PDE6C: variants seen among roughly 807,000 people sequenced by gnomAD.
The protein encoded by PDE6C is cone cGMP-specific 3',5'-cyclic phosphodiesterase subunit alpha'.
A neutral mutation model predicts 113.1 loss-of-function variants in PDE6C; 75 were observed. The ratio of observed to expected loss-of-function variants is 0.66; its 90% CI spans 0.55 to 0.80. PDE6C has a LOEUF of 0.80. Ranked by LOEUF, PDE6C falls within the 30% of genes least tolerant of loss-of-function variation. The probability of loss-of-function intolerance (pLI) is 0.00; values close to 1 mark genes in which losing one functional copy is unlikely to be tolerated. For synonymous variants in PDE6C, 375 were observed against 363.7 expected, an observed-to-expected ratio of 1.03 and a Z score of -0.35; for missense variants, 912 against 1,038.6, an observed-to-expected ratio of 0.88 and a Z score of 1.67.
chr10:93,662,582 G>A lies in PDE6C; in HGVS notation c.2306G>A (p.Arg769Lys), dbSNP rs1390573149. ...TAGCCTATGATGGACAGAAACAAAAGAGATGAATTACCTAAACTTCAAGTT... is the reference window on the plus strand; with the variant it reads ...TAGCCTATGATGGACAGAAACAAAAAAGATGAATTACCTAAACTTCAAGTT... ...QPIPMMDRNK[R>K]DELPKLQVGF... The change falls in exon 20 of 22, where the codon AGA (arginine) becomes AAA (lysine). Residue 769 changes from arginine (R) to lysine (K), a missense_variant. Arg to Lys is a conservative substitution (Grantham distance 26, BLOSUM62 2). Transcript: ENST00000371447. 2 of 1,505,398 alleles carry A rather than the reference G, an allele frequency of 1.3e-6. No individual in the cohort carries two copies. Among genetic ancestry groups the A allele is most frequent in the Non-Finnish European group, 1.8e-6 (2 of 1,081,808 alleles). The allele number at this position is 1,505,398 out of a possible 1,614,324, so 93.3% of individuals were successfully genotyped here.
At chr10:93,620,294 T>C (rs2058439237) in intron 1 of PDE6C, among the ~76,000 whole-genome samples, 1 of 152,212 alleles carries the variant, frequency 6.6e-6, no homozygotes, top group Non-Finnish European at 1.5e-5. Flanking sequence ...CTGCATGTAC[T>C]TGCTGTCTAT....
chr10:93,624,092 T>G (rs550282069), intron 4 of PDE6C, among the ~76,000 whole-genome samples: 48 of 152,160 alleles, frequency 3.2e-4, no homozygotes, highest in African/African-American at 1.0e-3. Flanking sequence ...CAACTTTAGG[T>G]TTTTGTATTC....
At chr10:93,622,178 C>T in intron 4 of PDE6C, 106 bp downstream of exon 4, 1 of 1,138,304 alleles carries the variant, frequency 8.8e-7, no homozygotes, top group South Asian at 1.2e-5. Flanking sequence ...AATAATTAGT[C>T]ATGATTGATG....
In PDE6C at chr10:93,663,713, A is replaced by G. The variant is rs370349745; in HGVS notation, c.2518+535A>G. 1.8e-4 allele frequency among the ~76,000 whole-genome samples: 28 copies of G among 152,280 alleles called. No individual in the cohort carries two copies. The South Asian group carries it at 5.8e-3, about 32-fold the overall frequency. ...CATTGGGAGATGTTTTTCTGGCATGAGATTCCTGTGCCATTTTTTTTCTGG... is the reference window on the plus strand; with the variant it reads ...CATTGGGAGATGTTTTTCTGGCATGGGATTCCTGTGCCATTTTTTTTCTGG... On this transcript the variant is annotated intron_variant, in intron 21 of 21. Coordinates refer to ENST00000371447, the MANE Select transcript of PDE6C (RefSeq NM_006204.4).
chr10:93,622,136 A>T (rs1416514326), intron 4 of PDE6C, 64 bp downstream of exon 4: 3 of 1,459,004 alleles, frequency 2.1e-6, no homozygotes, highest in Non-Finnish European at 2.9e-6. Context: ...ACCACAGGAA[A>T]TGTGATCCTT....
chr10:93,642,985 G>A (rs1033938794), intron 14 of PDE6C, among the ~76,000 whole-genome samples: 5 of 152,216 alleles, frequency 3.3e-5, no homozygotes, highest in East Asian at 1.9e-4. Flanking sequence ...TGAAGTCCTC[G>A]TCCTCCTTCT....
At chr10:93,614,245 T>C (rs2058408983) in intron 1 of PDE6C, among the ~76,000 whole-genome samples, 1 of 152,084 alleles carries the variant, frequency 6.6e-6, no homozygotes, top group African/African-American at 2.4e-5. Context: ...AGGAGGATAA[T>C]CTCCTAAATG....
intron 11 of PDE6C, among the ~76,000 whole-genome samples, chr10:93,638,350 C>A (rs964907733): frequency 6.6e-6 from 1 of 152,068 alleles, no homozygotes; most frequent in Admixed American, 6.6e-5. Context: ...TTCCCACCCC[C>A]GTGTTTTCAT....
intron 3 of PDE6C, among the ~76,000 whole-genome samples, chr10:93,621,728 G>A (rs977854633): frequency 2.0e-5 from 3 of 152,162 alleles, no homozygotes; most frequent in Admixed American, 6.5e-5. Context: ...CCATAGACCC[G>A]CAGCCTTGCA....
At chr10:93,623,276 G>A (rs893650754) in intron 4 of PDE6C, among the ~76,000 whole-genome samples, 2 of 152,150 alleles carry the variant, frequency 1.3e-5, no homozygotes, top group Non-Finnish European at 2.9e-5. Flanking sequence ...TAGAGAGATA[G>A]CTGCTCAGAT....
intron 18 of PDE6C, 134 bp from the exon 19 acceptor site, chr10:93,661,925 A>C: frequency 2.8e-6 from 2 of 714,552 alleles, no homozygotes; most frequent in South Asian, 1.5e-5. Flanking sequence ...TCTTTTTAAA[A>C]GTTAAGAGCA....
At chr10:93,628,064 C>T (rs145465545) in intron 7 of PDE6C, among the ~76,000 whole-genome samples, 109 of 152,262 alleles carry the variant, frequency 7.2e-4, no homozygotes, top group African/African-American at 2.5e-3. Context: ...AGCTTGAAAT[C>T]TCCCATGGCA....
At chr10:93,620,342 C>T (rs1443227709) in intron 1 of PDE6C, among the ~76,000 whole-genome samples, 1 of 152,168 alleles carries the variant, frequency 6.6e-6, no homozygotes, top group African/African-American at 2.4e-5. Flanking sequence ...CTCTTAGCAC[C>T]TCACTTTCCA....
At chr10:93,644,704 C>T (rs2058574588) in intron 14 of PDE6C, among the ~76,000 whole-genome samples, 1 of 150,444 alleles carries the variant, frequency 6.6e-6, no homozygotes, top group African/African-American at 2.4e-5. Flanking sequence ...TTCATCCTTC[C>T]CACCTCCCTA....
intron 14 of PDE6C, among the ~76,000 whole-genome samples, chr10:93,642,857 G>A (rs1237134677): frequency 6.6e-6 from 1 of 152,120 alleles, no homozygotes; most frequent in African/African-American, 2.4e-5. Context: ...CTATTATTAG[G>A]CTTTGTCTTG....
chr10:93,624,990 C>T (rs1361812689), intron 4 of PDE6C, among the ~76,000 whole-genome samples: 1 of 152,146 alleles, frequency 6.6e-6, no homozygotes, highest in Non-Finnish European at 1.5e-5. Context: ...TGAGGAATAC[C>T]TTTTGCCAGT....
chr10:93,638,946 T>C (rs2058546598), intron 11 of PDE6C, among the ~76,000 whole-genome samples: 1 of 152,216 alleles, frequency 6.6e-6, no homozygotes, highest in Non-Finnish European at 1.5e-5. Flanking sequence ...TCTGTGTAAA[T>C]AGAGCATGGC....
At chr10:93,633,490 A>AT (rs373000373) in intron 8 of PDE6C, among the ~76,000 whole-genome samples, 2,053 of 129,210 alleles carry the variant, frequency 0.016, 132 homozygotes, top group Non-Finnish European at 0.022. Context: ...ATAAAAAAAA[A>AT]TAAACAAGCT....
chr10:93,618,090 G>A (rs1274986216), intron 1 of PDE6C, among the ~76,000 whole-genome samples: 1 of 152,150 alleles, frequency 6.6e-6, no homozygotes, highest in African/African-American at 2.4e-5. Context: ...GCCTTCTGGA[G>A]GAAGGGTGCT....
Sources: allele counts gnomAD v4.1 joint callset (sites outside exome capture counted in the v4.1 genomes callset), GRCh38; gene constraint gnomAD v4.1.1; transcripts MANE v1.5; gene names NCBI Gene and HGNC (gene_info 2026-07-23, HGNC 2026-07-21).